The following SERPINI1 variants were observed in gnomAD, a reference collection of about 807,000 sequenced individuals.
SERPINI1 encodes the protein neuroserpin.
Under a neutral mutation model 41.1 loss-of-function variants are expected in SERPINI1, and 19 were observed. That is an observed-to-expected ratio of 0.46 (90% CI 0.32 to 0.68). The LOEUF (loss-of-function observed/expected upper bound fraction) is 0.68. Among genes scored for constraint, SERPINI1 ranks in the 30% least tolerant of loss-of-function variants. SERPINI1 has a pLI of 0.03. For synonymous variants in SERPINI1, 138 were observed against 156.6 expected, an observed-to-expected ratio of 0.88 and a Z score of 0.89; for missense variants, 460 against 479.2, an observed-to-expected ratio of 0.96 and a Z score of 0.37.
chr3:167,798,928 T>C (rs1332231103), intron 5 of SERPINI1, among the ~76,000 whole-genome samples: 4 of 152,144 alleles, frequency 2.6e-5, no homozygotes, highest in African/African-American at 4.8e-5. Flanking sequence ...ATCCTAAACC[T>C]CAGCAATATG....
At chr3:167,752,504 A>G (rs1022168549) in intron 1 of SERPINI1, among the ~76,000 whole-genome samples, 2 of 152,104 alleles carry the variant, frequency 1.3e-5, no homozygotes, top group African/African-American at 4.8e-5. Flanking sequence ...TTTTTTAAAT[A>G]AGTCTATCCA....
At chr3:167,761,299 T>C (rs936423169) in intron 1 of SERPINI1, among the ~76,000 whole-genome samples, 3 of 152,246 alleles carry the variant, frequency 2.0e-5, no homozygotes, top group Non-Finnish European at 4.4e-5. Context: ...GGTTAAAAAC[T>C]TTATGGGCCT....
At chr3:167,779,876 G>A (rs1727067659) in intron 1 of SERPINI1, among the ~76,000 whole-genome samples, 1 of 152,022 alleles carries the variant, frequency 6.6e-6, no homozygotes, top group Admixed American at 6.6e-5. Flanking sequence ...CAGTGAGCTG[G>A]GTAACTAGAG....
intron 1 of SERPINI1, among the ~76,000 whole-genome samples, chr3:167,744,315 G>A (rs1364513617): frequency 6.6e-6 from 1 of 151,784 alleles, no homozygotes; most frequent in Non-Finnish European, 1.5e-5. Context: ...CTCATTAAAT[G>A]TTATTTTATT....
At chr3:167,790,329 CG>C in intron 2 of SERPINI1, 42 bp from the exon 3 acceptor site, 3 of 1,399,170 alleles carry the variant, frequency 2.1e-6, no homozygotes, top group Non-Finnish European at 3.0e-6. Context: ...GACATTTCAC[CG>C]TGTTTGTTCT....
At chr3:167,772,033 T>G (rs1726772158) in intron 1 of SERPINI1, among the ~76,000 whole-genome samples, 1 of 152,222 alleles carries the variant, frequency 6.6e-6, no homozygotes, top group African/African-American at 2.4e-5. Flanking sequence ...CCCTCTTCAC[T>G]CCTTAATAAA....
At chr3:167,793,596 A>ATATATATATATATATATATATATTTTTT in intron 4 of SERPINI1, among the ~76,000 whole-genome samples, 3 of 140,610 alleles carry the variant, frequency 2.1e-5, no homozygotes, top group African/African-American at 8.2e-5. Context: ...ATATATATAT[A>ATATATATATATATATATATATATTTTTT]TTTTTAATTA....
intron 3 of SERPINI1, among the ~76,000 whole-genome samples, chr3:167,791,354 C>T (rs1427726151): frequency 2.0e-5 from 3 of 152,042 alleles, no homozygotes; most frequent in Non-Finnish European, 2.9e-5. Flanking sequence ...GGAACAACAA[C>T]AAAAATAACC....
At chr3:167,821,011 C>T (rs1414801947) in intron 6 of SERPINI1, among the ~76,000 whole-genome samples, 1 of 152,088 alleles carries the variant, frequency 6.6e-6, no homozygotes, top group Non-Finnish European at 1.5e-5. Context: ...CACTGTGGGT[C>T]TCCTCTCTGC....
intron 1 of SERPINI1, 27 bp from the exon 2 acceptor site, chr3:167,789,084 A>G: frequency 1.2e-6 from 2 of 1,604,526 alleles, no homozygotes; most frequent in Non-Finnish European, 1.7e-6. Flanking sequence ...ATAACTAATA[A>G]TTAATATGTA....
At chr3:167,808,462 A>G (rs545760471) in intron 6 of SERPINI1, among the ~76,000 whole-genome samples, 1 of 152,298 alleles carries the variant, frequency 6.6e-6, no homozygotes, top group East Asian at 1.9e-4. Context: ...TTTCCTTAGA[A>G]GAGAGAAAAT....
intron 1 of SERPINI1, among the ~76,000 whole-genome samples, chr3:167,741,651 T>C (rs1193813806): frequency 6.6e-6 from 1 of 152,226 alleles, no homozygotes; most frequent in South Asian, 2.1e-4. Context: ...TTAAATCAGT[T>C]ATTGGAGCAT....
At chr3:167,793,596 A>ATATATTTTT in intron 4 of SERPINI1, among the ~76,000 whole-genome samples, 11 of 140,608 alleles carry the variant, frequency 7.8e-5, no homozygotes, top group South Asian at 2.2e-4. Flanking sequence ...ATATATATAT[A>ATATATTTTT]TTTTTAATTA....
intron 5 of SERPINI1, among the ~76,000 whole-genome samples, chr3:167,801,114 G>C (rs576036585): frequency 6.6e-6 from 1 of 152,176 alleles, no homozygotes; most frequent in Non-Finnish European, 1.5e-5. Context: ...CACTGCACCC[G>C]GCCCTGATTT....
intron 1 of SERPINI1, among the ~76,000 whole-genome samples, chr3:167,741,051 G>A (rs1331093917): frequency 6.6e-6 from 1 of 152,176 alleles, no homozygotes; most frequent in Non-Finnish European, 1.5e-5. Context: ...TCATCTCTGA[G>A]CCATCATGAA....
At position 167,823,072 on chromosome 3, in the gene SERPINI1, G is replaced by A. The variant is rs751903092; in HGVS notation, c.1066G>A (p.Gly356Arg). 1 of 1,587,488 alleles carries A rather than the reference G, an allele frequency of 6.3e-7. No homozygotes were observed. The highest frequency in any genetic ancestry group is 2.2e-5 in the East Asian group (1 of 44,712). ...EEGSEAAAVSGMIAISRMAVL... is the reference protein window; with the variant it reads ...EEGSEAAAVSRMIAISRMAVL... ...AGGCTCAGAAGCTGCTGCTGTCTCA[G>A]GTACTGTTTGCTAGAATCTTCTCCC... The change falls in exon 7 of 9, where the codon GGA becomes AGA. Residue 356 changes from glycine to arginine, a missense_variant and splice_region_variant. By Grantham distance (125) the Gly-to-Arg change is moderately radical. Coordinates refer to ENST00000446050, the MANE Select transcript of SERPINI1 (RefSeq NM_001122752.2).
chr3:167,757,206 T>C (rs1247010696), intron 1 of SERPINI1, among the ~76,000 whole-genome samples: 3 of 152,218 alleles, frequency 2.0e-5, no homozygotes, highest in Non-Finnish European at 4.4e-5. Context: ...GAGCTTTTTC[T>C]AAGACCAGCT....
chr3:167,770,035 T>A (rs1429192851), intron 1 of SERPINI1, among the ~76,000 whole-genome samples: 1 of 151,582 alleles, frequency 6.6e-6, no homozygotes, highest in African/African-American at 2.4e-5. Flanking sequence ...TTACTTTTTT[T>A]TTTTTTAATG....
At chr3:167,740,114 C>T (rs749863414) in intron 1 of SERPINI1, among the ~76,000 whole-genome samples, 20 of 150,970 alleles carry the variant, frequency 1.3e-4, no homozygotes, top group Non-Finnish European at 2.1e-4. Context: ...TTCACTGTAA[C>T]CTTGAACTCC....
Sources: allele counts gnomAD v4.1 joint callset (sites outside exome capture counted in the v4.1 genomes callset), GRCh38; gene constraint gnomAD v4.1.1; transcripts MANE v1.5; gene names NCBI Gene and HGNC (gene_info 2026-07-23, HGNC 2026-07-21).